SFMBT1: variants seen among roughly 807,000 people sequenced by gnomAD.
SFMBT1 encodes the protein scm-like with four MBT domains protein 1.
SFMBT1 carries 32 observed loss-of-function variants against 108.7 expected under a neutral mutation model. That is an observed-to-expected ratio of 0.29 (90% CI 0.22 to 0.40). The LOEUF is 0.40. Among genes scored for constraint, SFMBT1 ranks in the 10% least tolerant of loss-of-function variants. The pLI, the probability that SFMBT1 is intolerant of heterozygous loss-of-function variation, is 1.00. For synonymous variants in SFMBT1, 348 were observed against 369.5 expected (o/e 0.94, Z 0.67); for missense variants, 816 against 1,059.6 (o/e 0.77, Z 3.19).
chr3:53,017,161 A>G (rs1699153455), intron 1 of SFMBT1, among the ~76,000 whole-genome samples: 1 of 152,212 alleles, frequency 6.6e-6, no homozygotes, highest in African/African-American at 2.4e-5. Context: ...AGAAAATGAA[A>G]CTAAGGCTAA....
At chr3:52,978,152 G>A (rs542335800) in intron 1 of SFMBT1, among the ~76,000 whole-genome samples, 4 of 152,224 alleles carry the variant, frequency 2.6e-5, no homozygotes, top group East Asian at 3.9e-4. Context: ...ACAGTGTGGG[G>A]TGGTTAAATC....
chr3:52,976,352 T>C (rs1410301549), intron 1 of SFMBT1, among the ~76,000 whole-genome samples: 3 of 152,292 alleles, frequency 2.0e-5, no homozygotes, highest in Middle Eastern at 3.4e-3. Flanking sequence ...AGAGTGCAGT[T>C]TGTGATAAAG....
chr3:52,928,526 A>G, intron 8 of SFMBT1, 185 bp from the exon 9 acceptor site: 1 of 502,480 alleles, frequency 2.0e-6, no homozygotes, highest in African/African-American at 2.2e-5. Flanking sequence ...CTTTTCATGT[A>G]TCAATTCAGT....
chr3:52,933,259 C>T lies in SFMBT1; in HGVS notation c.454-951G>A, dbSNP rs1201172385. 3.3e-5 allele frequency among the ~76,000 whole-genome samples: 5 copies of T among 152,126 alleles called. No homozygotes were observed. The East Asian group carries it at 5.8e-4, about 18-fold the overall frequency. Reference sequence around the variant, plus strand: ...ACATTGTAAATGGGCAATAATTTATCCAGTTACCTACAGATAGTATTTCAG... The same window carrying T: ...ACATTGTAAATGGGCAATAATTTATTCAGTTACCTACAGATAGTATTTCAG... On this transcript the variant is annotated intron_variant, in intron 5 of 20. Coordinates refer to ENST00000394752, the MANE Select transcript of SFMBT1 (RefSeq NM_016329.4).
chr3:52,970,598 C>T (rs1704305621), intron 1 of SFMBT1, among the ~76,000 whole-genome samples: 1 of 152,098 alleles, frequency 6.6e-6, no homozygotes, highest in Admixed American at 6.6e-5. Context: ...GAACTAACTG[C>T]AAGAGCGACA....
intron 8 of SFMBT1, 82 bp from the exon 9 acceptor site, chr3:52,928,423 A>G (rs950906425): frequency 1.7e-5 from 24 of 1,441,616 alleles, no homozygotes; most frequent in Non-Finnish European, 1.9e-5. Context: ...AACATATTAC[A>G]AAAGTTCATA....
At chr3:52,975,062 G>A (rs1704474374) in intron 1 of SFMBT1, among the ~76,000 whole-genome samples, 1 of 150,686 alleles carries the variant, frequency 6.6e-6, no homozygotes, top group South Asian at 2.1e-4. Flanking sequence ...CCAACACAGG[G>A]CAAATCCATC....
intron 1 of SFMBT1, among the ~76,000 whole-genome samples, chr3:53,030,262 G>A (rs1468593695): frequency 6.6e-6 from 1 of 152,014 alleles, no homozygotes; most frequent in Non-Finnish European, 1.5e-5. Context: ...ATCACCATTT[G>A]AGTTTTTTTA....
chr3:52,969,288 G>T, intron 1 of SFMBT1, 30 bp from the exon 2 acceptor site: 1 of 1,477,480 alleles, frequency 6.8e-7, no homozygotes, highest in Non-Finnish European at 8.9e-7. Flanking sequence ...ACATTAAACA[G>T]CCTGAAGCCC....
intron 1 of SFMBT1, among the ~76,000 whole-genome samples, chr3:52,991,119 A>G (rs1705108087): frequency 6.6e-6 from 1 of 152,126 alleles, no homozygotes; most frequent in Admixed American, 6.5e-5. Context: ...TCTTTGTTTC[A>G]CTGAATAACT....
intron 8 of SFMBT1, among the ~76,000 whole-genome samples, 192 bp downstream of exon 8, chr3:52,930,137 A>G (rs1192164588): frequency 6.6e-6 from 1 of 152,228 alleles, no homozygotes; most frequent in Non-Finnish European, 1.5e-5. Context: ...GGCTAGGGCT[A>G]CCAAGCTCTG....
At chr3:53,015,348 T>C (rs987899336) in intron 1 of SFMBT1, among the ~76,000 whole-genome samples, 3 of 151,862 alleles carry the variant, frequency 2.0e-5, no homozygotes, top group Non-Finnish European at 2.9e-5. Flanking sequence ...TAAAATGGTA[T>C]AGGCAATTTG....
At chr3:52,952,998 C>T (rs976502105) in intron 3 of SFMBT1, among the ~76,000 whole-genome samples, 13 of 152,254 alleles carry the variant, frequency 8.5e-5, no homozygotes, top group African/African-American at 2.7e-4. Context: ...AGCAGCTACA[C>T]ACCTAGGCTT....
rs749665135 is a variant in SFMBT1 at position 52,932,237 on chromosome 3, G to C, written c.525C>G (p.Asp175Glu). 1 of 1,614,142 alleles carries C rather than the reference G, an allele frequency of 6.2e-7. No individual in the cohort carries two copies. Among genetic ancestry groups the C allele is most frequent in the Non-Finnish European group, 8.5e-7 (1 of 1,179,998 alleles). ...CAGTAACAATCCAAGTGCTTAAAGA[G>C]TCCTGGAAAGCTTGACATTCTAGTC... is the stretch of plus-strand genomic sequence containing the variant. ...GSRLECQAFQ[D>E]SLSTWIVTVV... The change falls in exon 6 of 21, where the codon GAC becomes GAG. Residue 175 changes from aspartate (D) to glutamate (E), a missense_variant. Around this residue, in one of 5 missense-constraint regions of SFMBT1, gnomAD observed 495 missense variants for 607.4 expected, o/e 0.81. Coordinates refer to ENST00000394752, the MANE Select transcript of SFMBT1 (RefSeq NM_016329.4).
At chr3:53,043,010 T>C (rs1700104301) in intron 1 of SFMBT1, 1 of 152,244 alleles carries the variant, frequency 6.6e-6, no homozygotes, top group Non-Finnish European at 1.5e-5. Flanking sequence ...TTTAACTTTG[T>C]GGACTATTCC....
Position 52,994,022 on chromosome 3 carries a change from G to A in SFMBT1, c.-130-24764C>T, listed in dbSNP as rs190150043. ...TGTAAAGCACATCTTTATAATACAA[G>A]TAGAACACTTTCATACAGTTTCCAA... On this transcript the variant is annotated intron_variant, in intron 1 of 20. Transcript: ENST00000394752. Among the ~76,000 whole-genome samples, 39 of 150,386 alleles carry A rather than the reference G, an allele frequency of 2.6e-4. 3 individuals carry two copies.
chr3:52,952,662 C>T (rs1703633517), intron 3 of SFMBT1, among the ~76,000 whole-genome samples: 1 of 152,202 alleles, frequency 6.6e-6, no homozygotes, highest in African/African-American at 2.4e-5. Context: ...TTCTTGCTGT[C>T]TTCACATGGT....
rs1703706325 is a variant in SFMBT1 at position 52,954,336 on chromosome 3, G to A, written c.104C>T (p.Pro35Leu). 6.2e-7 allele frequency: 1 copy of A among 1,613,082 alleles called. No individual in the cohort carries two copies. Among genetic ancestry groups the A allele is most frequent in the South Asian group, 1.1e-5 (1 of 90,966 alleles). The change falls in exon 3 of 21, where the codon CCC becomes CTC. Residue 35 changes from proline (P) to leucine (L), a missense_variant. Pro to Leu is a moderately conservative substitution (Grantham distance 98). This residue lies in a region of SFMBT1 where 495 missense variants were observed against 607.4 expected (regional missense o/e 0.81). Transcript: ENST00000394752. ...GCTTACATGTTTAAAAGACCCATAG[G>A]GAACTGCTGTGGACCCTGTTTCTTC... ...YLEETGSTAVPYGSFKHVDTR... is the reference protein window; with the variant it reads ...YLEETGSTAVLYGSFKHVDTR...
At position 53,003,542 on chromosome 3, in the gene SFMBT1, G is replaced by C. The variant is rs546138384; in HGVS notation, c.-130-34284C>G. ...AACATGATATTCTCTCCGTTTTTCC[G>C]TATGCTCAAATACCTCCATGATAAA... On this transcript the variant is annotated intron_variant, in intron 1 of 20. Coordinates refer to ENST00000394752, the MANE Select transcript of SFMBT1 (RefSeq NM_016329.4). Among the ~76,000 whole-genome samples the C allele has an allele frequency of 2.7e-4, 41 of 149,926 alleles. 1 individual carries two copies. The highest frequency in any genetic ancestry group is 9.0e-4 in the African/African-American group (37 of 41,328).
Sources: allele counts gnomAD v4.1 joint callset (sites outside exome capture counted in the v4.1 genomes callset), GRCh38; gene constraint gnomAD v4.1.1; regional missense constraint gnomAD v4.1.1; transcripts MANE v1.5; gene names NCBI Gene and HGNC (gene_info 2026-07-23, HGNC 2026-07-21).